Variants in CFAP299 observed in about 807,000 individuals in gnomAD.
CFAP299 encodes the protein cilia- and flagella-associated protein 299.
A neutral mutation model predicts 27.0 loss-of-function variants in CFAP299; 21 were observed. The ratio of observed to expected loss-of-function variants is 0.78; its 90% CI spans 0.55 to 1.12. CFAP299 has a LOEUF of 1.12. CFAP299 is among the 50% of genes most tolerant of loss of function. The pLI is 0.00. For synonymous variants in CFAP299, 104 were observed against 98.1 expected, an observed-to-expected ratio of 1.06 and a Z score of -0.36; for missense variants, 310 against 276.6, an observed-to-expected ratio of 1.12 and a Z score of -0.86.
chr4:80,406,943 G>A (rs1201912181), intron 2 of CFAP299, among the ~76,000 whole-genome samples: 1 of 152,028 alleles, frequency 6.6e-6, no homozygotes, highest in African/African-American at 2.4e-5. Flanking sequence ...GGCGCTGTAT[G>A]TTTCCAAAAT....
intron 3 of CFAP299, among the ~76,000 whole-genome samples, chr4:80,857,074 T>G (rs1731953790): frequency 6.6e-6 from 1 of 152,202 alleles, no homozygotes; most frequent in East Asian, 1.9e-4. Context: ...TCCTCTTTTA[T>G]TTCACTGAAC....
intron 3 of CFAP299, among the ~76,000 whole-genome samples, chr4:80,645,206 G>A (rs12646242): frequency 0.88 from 134,116 of 152,130 alleles, 59,597 homozygotes; most frequent in East Asian, 1. Context: ...AGGTGTGGAC[G>A]TCCAAAATCT....
chr4:80,553,644 T>A (rs1734639864), intron 2 of CFAP299, among the ~76,000 whole-genome samples: 1 of 152,046 alleles, frequency 6.6e-6, no homozygotes, highest in South Asian at 2.1e-4. Context: ...ACTGTTCTTT[T>A]TTGCCTTGCC....
chr4:80,811,295 T>A (rs757718372), intron 3 of CFAP299, among the ~76,000 whole-genome samples: 3 of 152,166 alleles, frequency 2.0e-5, no homozygotes, highest in Non-Finnish European at 4.4e-5. Flanking sequence ...ATCTATTTAC[T>A]CTGTGGTCAT....
intron 3 of CFAP299, among the ~76,000 whole-genome samples, chr4:80,600,031 G>A (rs993300862): frequency 1.3e-5 from 2 of 151,852 alleles, no homozygotes; most frequent in East Asian, 1.9e-4. Context: ...TTAAAGTCAG[G>A]GTGTCCGAAT....
intron 2 of CFAP299, among the ~76,000 whole-genome samples, chr4:80,401,318 C>T (rs1404172332): frequency 6.6e-6 from 1 of 152,190 alleles, no homozygotes; most frequent in African/African-American, 2.4e-5. Context: ...ACAGCAGCCC[C>T]TCCCATCACA....
chr4:80,809,008 C>CA (rs1729007032), intron 3 of CFAP299, among the ~76,000 whole-genome samples: 1 of 152,058 alleles, frequency 6.6e-6, no homozygotes, highest in South Asian at 2.1e-4. Context: ...CAATCCAAAG[C>CA]AAAAACAGCT....
intron 1 of CFAP299, among the ~76,000 whole-genome samples, chr4:80,338,282 C>A (rs995393517): frequency 9.2e-5 from 14 of 152,230 alleles, no homozygotes; most frequent in African/African-American, 3.4e-4. Context: ...ACATAATTAT[C>A]ATTTTTTTGT....
chr4:80,884,252 A>G (rs1323764299), intron 4 of CFAP299, among the ~76,000 whole-genome samples: 1 of 152,218 alleles, frequency 6.6e-6, no homozygotes, highest in Admixed American at 6.5e-5. Context: ...AATATTCTTC[A>G]GGATAGATCA....
At chr4:80,705,657 A>G (rs1160801237) in intron 3 of CFAP299, among the ~76,000 whole-genome samples, 1 of 151,824 alleles carries the variant, frequency 6.6e-6, no homozygotes, top group African/African-American at 2.4e-5. Context: ...ATCTAACCCC[A>G]ATCTCCACCT....
At chr4:80,747,873 T>C (rs1724709793) in intron 3 of CFAP299, among the ~76,000 whole-genome samples, 1 of 152,132 alleles carries the variant, frequency 6.6e-6, no homozygotes, top group Non-Finnish European at 1.5e-5. Flanking sequence ...TGCTGATGAC[T>C]TACCTATTTA....
At chr4:80,373,419 C>A (rs750095992) in intron 2 of CFAP299, among the ~76,000 whole-genome samples, 1 of 152,074 alleles carries the variant, frequency 6.6e-6, no homozygotes, top group Non-Finnish European at 1.5e-5. Context: ...TGAATACTTG[C>A]TATGGTGAAT....
intron 3 of CFAP299, among the ~76,000 whole-genome samples, chr4:80,763,121 A>G (rs1265322608): frequency 1.3e-5 from 2 of 152,226 alleles, no homozygotes; most frequent in African/African-American, 4.8e-5. Context: ...AGGCAAGAGA[A>G]AGAAGTAAAG....
chr4:80,689,193 T>G (rs1478889017), intron 3 of CFAP299, among the ~76,000 whole-genome samples: 3 of 151,794 alleles, frequency 2.0e-5, no homozygotes, highest in African/African-American at 4.8e-5. Flanking sequence ...TACAGAGAAC[T>G]CCACAAAGAT....
At chr4:80,935,378 C>T (rs550002175) in intron 4 of CFAP299, among the ~76,000 whole-genome samples, 1 of 152,022 alleles carries the variant, frequency 6.6e-6, no homozygotes, top group African/African-American at 2.4e-5. Context: ...TAGACCAATG[C>T]AACAGAATAG....
rs576926335 is a variant in CFAP299 at position 80,788,268 on chromosome 4, AG to A, written c.334-81724del. 3.9e-3 allele frequency among the ~76,000 whole-genome samples: 594 copies of A among 152,186 alleles called. 1 individual carries two copies. The highest frequency in any genetic ancestry group is 0.013 in the African/African-American group (556 of 41,570). On this transcript the variant is annotated intron_variant, in intron 3 of 5. Coordinates refer to ENST00000358105, the MANE Select transcript of CFAP299 (RefSeq NM_152770.3). ...ATTTGTACTTTTAGTCCCTGAGCAC[AG>A]TGTCTAACTCTGCGTAAGCCATCAA...
intron 2 of CFAP299, among the ~76,000 whole-genome samples, chr4:80,442,083 C>T (rs925604139): frequency 6.6e-6 from 1 of 152,138 alleles, no homozygotes; most frequent in Non-Finnish European, 1.5e-5. Flanking sequence ...AACAAAGAGA[C>T]TTAGACTCCC....
At chr4:80,511,111 T>C (rs2110163417) in intron 2 of CFAP299, among the ~76,000 whole-genome samples, 1 of 152,330 alleles carries the variant, frequency 6.6e-6, no homozygotes, top group African/African-American at 2.4e-5. Flanking sequence ...GCATGAATGC[T>C]GAAGTTGTAC....
intron 2 of CFAP299, among the ~76,000 whole-genome samples, chr4:80,536,400 G>A (rs780878292): frequency 1.3e-5 from 2 of 152,030 alleles, no homozygotes; most frequent in South Asian, 2.1e-4. Flanking sequence ...TATACGTATC[G>A]TTTGAAAGCA....
Sources: gnomAD v4.1 joint callset for allele counts (sites outside exome capture counted in the v4.1 genomes callset) on GRCh38, gnomAD v4.1.1 for gene constraint, MANE v1.5 for transcripts, NCBI Gene and HGNC (gene_info 2026-07-23, HGNC 2026-07-21) for gene names.